EXT1: variants seen among roughly 807,000 people sequenced by gnomAD.
EXT1 encodes the protein exostosin glycosyltransferase 1, also known as exostosin-1.
In EXT1, 20 loss-of-function variants were observed where a neutral mutation model predicts 82.5. That is an observed-to-expected ratio of 0.24 (90% CI 0.17 to 0.35). EXT1 has a LOEUF of 0.35. EXT1 is among the 10% of genes least tolerant of loss of function. The pLI is 1.00. For synonymous variants in EXT1, 348 were observed against 350.8 expected (o/e 0.99, Z 0.09); for missense variants, 757 against 936.5 (o/e 0.81, Z 2.50).
At chr8:117,989,169 C>T (rs1284193647) in intron 1 of EXT1, among the ~76,000 whole-genome samples, 1 of 151,778 alleles carries the variant, frequency 6.6e-6, no homozygotes, top group Admixed American at 6.6e-5. Flanking sequence ...AAGTAACATA[C>T]CTAAGCCATA....
At chr8:118,067,987 C>G (rs79613549) in intron 1 of EXT1, among the ~76,000 whole-genome samples, 1 of 152,196 alleles carries the variant, frequency 6.6e-6, no homozygotes, top group South Asian at 2.1e-4. Flanking sequence ...ATATTAGTAA[C>G]AAAACTGCAA....
chr8:118,082,064 A>C (rs901461788), intron 1 of EXT1, among the ~76,000 whole-genome samples: 3 of 152,204 alleles, frequency 2.0e-5, no homozygotes, highest in Non-Finnish European at 4.4e-5. Context: ...GGCCACAATC[A>C]TGGGGACAAG....
chr8:117,915,218 A>G (rs1346912242), intron 1 of EXT1, among the ~76,000 whole-genome samples: 1 of 152,232 alleles, frequency 6.6e-6, no homozygotes, highest in African/African-American at 2.4e-5. Flanking sequence ...TTCCACTAAG[A>G]AACTATTTCA....
At chr8:117,822,810 A>C (rs1349425864) in intron 4 of EXT1, among the ~76,000 whole-genome samples, 1 of 152,204 alleles carries the variant, frequency 6.6e-6, no homozygotes, top group Non-Finnish European at 1.5e-5. Flanking sequence ...ATAGCCAATC[A>C]AATTTCCTAA....
chr8:118,088,990 T>C (rs535244797), intron 1 of EXT1, among the ~76,000 whole-genome samples: 1 of 152,332 alleles, frequency 6.6e-6, no homozygotes, highest in South Asian at 2.1e-4. Context: ...AGAGTAGTCT[T>C]GATTCAAGGA....
rs1469504311 is a variant in EXT1, at chr8:117,943,250, C to G, written c.963-106049G>C. On this transcript the variant is annotated intron_variant, in intron 1 of 10. Coordinates refer to ENST00000378204, the MANE Select transcript of EXT1 (RefSeq NM_000127.3). ...TGGCAAGAGTAGGGGTAAACAGACA[C>G]TACTACAAACTGCTAGTAAGAAAAT... Among the ~76,000 whole-genome samples, 6 of 152,238 alleles carry G rather than the reference C, an allele frequency of 3.9e-5. No individual in the cohort carries two copies. The South Asian group carries it at 1.0e-3, about 26-fold the overall frequency.
intron 1 of EXT1, among the ~76,000 whole-genome samples, chr8:117,915,352 C>CATATATATAT (rs58661474): frequency 3.1e-4 from 45 of 147,366 alleles, no homozygotes; most frequent in African/African-American, 9.2e-4. Flanking sequence ...TAGATATAAC[C>CATATATATAT]ATATATATAT....
intron 1 of EXT1, among the ~76,000 whole-genome samples, chr8:117,843,412 C>G (rs1251709415): frequency 6.6e-6 from 1 of 152,148 alleles, no homozygotes; most frequent in Non-Finnish European, 1.5e-5. Flanking sequence ...GGGAGGCCTC[C>G]TGGAGGAAGT....
chr8:117,905,029 T>C (rs1011068694), intron 1 of EXT1, among the ~76,000 whole-genome samples: 9 of 152,178 alleles, frequency 5.9e-5, no homozygotes, highest in African/African-American at 2.2e-4. Context: ...TTAAAAAAGC[T>C]GACTTTAAAT....
At chr8:117,817,553 T>C (rs572587775) in intron 7 of EXT1, among the ~76,000 whole-genome samples, 2 of 152,112 alleles carry the variant, frequency 1.3e-5, no homozygotes, top group Admixed American at 6.5e-5. Flanking sequence ...TGCTCTTTAG[T>C]AGAAGAAATT....
intron 3 of EXT1, among the ~76,000 whole-genome samples, chr8:117,832,466 T>C (rs946633945): frequency 6.6e-6 from 1 of 151,300 alleles, no homozygotes; most frequent in African/African-American, 2.4e-5. Context: ...GAAGTTGCAG[T>C]GAGCTGAGAT....
intron 1 of EXT1, 68 bp from the exon 2 acceptor site, chr8:117,837,269 T>C (rs1587004424): frequency 7.8e-6 from 10 of 1,288,336 alleles, no homozygotes; most frequent in South Asian, 7.1e-5. Flanking sequence ...TGACCATAGG[T>C]GGGCGCCCAT....
At chr8:118,061,921 C>G (rs1318551128) in intron 1 of EXT1, among the ~76,000 whole-genome samples, 3 of 152,010 alleles carry the variant, frequency 2.0e-5, no homozygotes, top group Non-Finnish European at 4.4e-5. Flanking sequence ...AGTGGAGCAA[C>G]TGGATAAAAT....
In EXT1 at chr8:118,000,661, T is replaced by C. The variant is rs915029597; in HGVS notation, c.962+109424A>G. ...ACGCATCATTGATCCTGTGGGTCCT[T>C]GGGAAACAAGCCAATCTGAATAAAG... On this transcript the variant is annotated intron_variant, in intron 1 of 10. Transcript: ENST00000378204. Among the ~76,000 whole-genome samples the C allele has an allele frequency of 1.6e-4, 25 of 152,232 alleles. 1 individual carries two copies. Among genetic ancestry groups the C allele is most frequent in the African/African-American group, 5.8e-4 (24 of 41,458 alleles).
In EXT1 at chr8:118,110,729, G is replaced by A. The variant is rs1817884143; in HGVS notation, c.318C>T (p.Phe106=). 1 of 1,614,198 alleles carries A rather than the reference G, an allele frequency of 6.2e-7. No homozygotes were observed. The highest frequency in any genetic ancestry group is 8.5e-7 in the Non-Finnish European group (1 of 1,180,044). ...TGAAGCCGTTTTTCTTGCAAAGGGT[G>A]AAATCGAAGCAGGACTCCATGCGGC... ...KKCRMESCFD[F]TLCKKNGFKV... The change falls in exon 1 of 11, where the codon TTC becomes TTT. Residue 106 remains phenylalanine, a synonymous_variant. Coordinates refer to ENST00000378204, the MANE Select transcript of EXT1 (RefSeq NM_000127.3).
chr8:117,844,137 C>CTATTACTATTATTAT (rs1554580590), intron 1 of EXT1, among the ~76,000 whole-genome samples: 10 of 142,532 alleles, frequency 7.0e-5, no homozygotes, highest in Non-Finnish European at 1.4e-4. Flanking sequence ...ATTTCAATTA[C>CTATTACTATTATTAT]TATTATTATT....
At chr8:118,004,278 G>A (rs1815730757) in intron 1 of EXT1, among the ~76,000 whole-genome samples, 1 of 152,240 alleles carries the variant, frequency 6.6e-6, no homozygotes, top group African/African-American at 2.4e-5. Flanking sequence ...GCATGGAGGT[G>A]TGCATGTGCA....
At chr8:117,908,605 G>C (rs1195753861) in intron 1 of EXT1, among the ~76,000 whole-genome samples, 1 of 151,880 alleles carries the variant, frequency 6.6e-6, no homozygotes, top group African/African-American at 2.4e-5. Context: ...ACTCCAGCCC[G>C]GGCAACAGAG....
chr8:117,974,915 T>C (rs1303805463), intron 1 of EXT1, among the ~76,000 whole-genome samples: 1 of 152,136 alleles, frequency 6.6e-6, no homozygotes, highest in Non-Finnish European at 1.5e-5. Context: ...GCACACCCAC[T>C]CACTCCCCAC....
Sources: allele counts gnomAD v4.1 joint callset (sites outside exome capture counted in the v4.1 genomes callset), GRCh38; gene constraint gnomAD v4.1.1; transcripts MANE v1.5; gene names NCBI Gene and HGNC (gene_info 2026-07-23, HGNC 2026-07-21).